The following GAPVD1 variants were observed in gnomAD, a reference collection of about 807,000 sequenced individuals.
GAPVD1 encodes GTPase activating protein and VPS9 domains 1.
Under a neutral mutation model 155.5 loss-of-function variants are expected in GAPVD1, and 35 were observed. That is an observed-to-expected ratio of 0.23 (90% CI 0.17 to 0.30). The LOEUF is 0.30. Ranked by LOEUF, GAPVD1 falls within the 10% of genes least tolerant of loss-of-function variation. The probability of loss-of-function intolerance (pLI) is 1.00; values close to 1 mark genes in which losing one functional copy is unlikely to be tolerated. For missense variants in GAPVD1, 1,429 were observed against 1,775.7 expected, an observed-to-expected ratio of 0.80 and a Z score of 3.51; for synonymous variants, 636 against 619.7, an observed-to-expected ratio of 1.03 and a Z score of -0.39.
intron 22 of GAPVD1, 132 bp downstream of exon 22, chr9:125,350,536 C>A: frequency 1.4e-6 from 1 of 715,572 alleles, no homozygotes; most frequent in South Asian, 1.7e-5. Context: ...ATTAGTATCA[C>A]TTAAGGGCAC....
At chr9:125,329,567 A>G (rs1234943915) in intron 12 of GAPVD1, among the ~76,000 whole-genome samples, 1 of 151,590 alleles carries the variant, frequency 6.6e-6, no homozygotes, top group Non-Finnish European at 1.5e-5. Context: ...TTGTGTTTTT[A>G]GTGGTGTGCT....
rs112249923 is a variant in GAPVD1 at position 125,341,297 on chromosome 9, G to A, written c.2965+33G>A. ...TATAAAATATTAGAACGCTGTATTA[G>A]CAATAAGAAGCAAAGCCCCAGAATC... On this transcript the variant is annotated intron_variant, in intron 18 of 27. Transcript: ENST00000297933. 8 of 1,018,382 alleles carry A rather than the reference G, an allele frequency of 7.9e-6. No individual in the cohort carries two copies. The Admixed American group carries it at 8.1e-5, about 10-fold the overall frequency. 63.1% of individuals were successfully genotyped at this position (1,018,382 alleles called of 1,614,324 possible).
intron 13 of GAPVD1, among the ~76,000 whole-genome samples, chr9:125,330,742 G>T (rs1294372648): frequency 6.6e-6 from 1 of 152,216 alleles, no homozygotes; most frequent in African/African-American, 2.4e-5. Context: ...GTGATGGCAG[G>T]TGCTTTCAGA....
chr9:125,329,301 A>G (rs928923945), intron 12 of GAPVD1, among the ~76,000 whole-genome samples: 3 of 152,222 alleles, frequency 2.0e-5, no homozygotes, highest in Admixed American at 2.0e-4. Context: ...TGCCCTGAAT[A>G]GTGACTAATA....
At chr9:125,285,982 G>A (rs1244796549) in intron 2 of GAPVD1, among the ~76,000 whole-genome samples, 1 of 150,300 alleles carries the variant, frequency 6.7e-6, no homozygotes, top group Admixed American at 6.7e-5. Context: ...TAATTTTCGT[G>A]TTCTCTGTAG....
intron 15 of GAPVD1, among the ~76,000 whole-genome samples, chr9:125,335,630 T>C (rs1464801746): frequency 6.6e-6 from 1 of 151,938 alleles, no homozygotes; most frequent in African/African-American, 2.4e-5. Context: ...TGAGCTGAGA[T>C]CACACCACTG....
At chr9:125,346,002 T>A (rs2132241757) in intron 19 of GAPVD1, 1 of 152,332 alleles carries the variant, frequency 6.6e-6, no homozygotes, top group South Asian at 2.1e-4. Flanking sequence ...ACCCAGGAGT[T>A]TGTGTTTCAC....
chr9:125,333,115 C>G (rs563536334), intron 15 of GAPVD1, among the ~76,000 whole-genome samples: 70 of 152,206 alleles, frequency 4.6e-4, no homozygotes, highest in African/African-American at 1.6e-3. Flanking sequence ...TGCTGTCACC[C>G]AGGCTGGAGT....
intron 12 of GAPVD1, among the ~76,000 whole-genome samples, chr9:125,328,984 G>A (rs1377215039): frequency 1.3e-5 from 2 of 152,006 alleles, no homozygotes; most frequent in South Asian, 2.1e-4. Flanking sequence ...CCAGTCAGGC[G>A]TGGCGGCGCG....
At position 125,360,410 on chromosome 9, in the gene GAPVD1, CAA is replaced by C. The variant is rs533992079; in HGVS notation, c.4045-116_4045-115del. Reference sequence around the variant, plus strand: ...AAAGGGGCCTGCAATATGGTTTTACCAAAGAGAGGAAAAAGCAACCACATTAT... The same window carrying C: ...AAAGGGGCCTGCAATATGGTTTTACCAGAGAGGAAAAAGCAACCACATTAT... On this transcript the variant is annotated intron_variant, in intron 26 of 27. Transcript: ENST00000297933. 8.7e-4 allele frequency: 616 copies of C among 706,488 alleles called. 3 individuals carry two copies. The African/African-American group carries it at 9.9e-3, about 11-fold the overall frequency. 43.8% of individuals were successfully genotyped at this position (706,488 alleles called of 1,614,324 possible).
chr9:125,342,532 G>T (rs961580804), intron 19 of GAPVD1, among the ~76,000 whole-genome samples: 1 of 152,174 alleles, frequency 6.6e-6, no homozygotes, highest in Admixed American at 6.6e-5. Flanking sequence ...CTCCGTTTAT[G>T]ATGAGGCCCC....
At chr9:125,320,156 G>GT (rs1844095117) in intron 9 of GAPVD1, among the ~76,000 whole-genome samples, 2 of 152,082 alleles carry the variant, frequency 1.3e-5, no homozygotes, top group Admixed American at 6.6e-5. Context: ...TTCTTTGTAA[G>GT]TGAGGGTACT....
intron 17 of GAPVD1, 28 bp downstream of exon 17, chr9:125,337,619 T>C: frequency 6.3e-7 from 1 of 1,580,570 alleles, no homozygotes; most frequent in Non-Finnish European, 8.6e-7. Context: ...TGAAAAAGAA[T>C]TATGTTCTGC....
chr9:125,310,204 T>C (rs1472815905), intron 8 of GAPVD1, among the ~76,000 whole-genome samples: 3 of 152,238 alleles, frequency 2.0e-5, no homozygotes, highest in Non-Finnish European at 4.4e-5. Flanking sequence ...AATTTAAATT[T>C]GCAATTCAGT....
intron 9 of GAPVD1, among the ~76,000 whole-genome samples, chr9:125,319,624 T>C (rs1588920076): frequency 6.7e-6 from 1 of 148,380 alleles, no homozygotes; most frequent in East Asian, 2.0e-4. Flanking sequence ...TTTTTTGAGA[T>C]GCAGTCTTGC....
chr9:125,321,239 G>C (rs946493672), intron 9 of GAPVD1, among the ~76,000 whole-genome samples, 194 bp from the exon 10 acceptor site: 2 of 152,160 alleles, frequency 1.3e-5, no homozygotes, highest in Non-Finnish European at 2.9e-5. Context: ...GTAATGGAAA[G>C]GCATGGCTTC....
intron 9 of GAPVD1, among the ~76,000 whole-genome samples, chr9:125,317,784 A>AG (rs1262450318): frequency 6.6e-6 from 1 of 152,114 alleles, no homozygotes; most frequent in Admixed American, 6.5e-5. Context: ...CAAGAGAACA[A>AG]GGTCTCACCA....
At position 125,302,257 on chromosome 9, in the gene GAPVD1, C is replaced by A; in HGVS notation, c.460C>A (p.Arg154=). The A allele has an allele frequency of 6.2e-7, 1 of 1,613,972 alleles. No individual in the cohort carries two copies. The highest frequency in any genetic ancestry group is 8.5e-7 in the Non-Finnish European group (1 of 1,179,934). ...EDESYLLQVL[R]YLIEFELKES... ...TGAAAGCTACCTCCTTCAGGTTTTG[C>A]GATACTTGATTGAATTTGAACTTAA... Residue 154 remains arginine, a synonymous_variant, in exon 5 of 28, where the codon CGA becomes AGA. Transcript: ENST00000297933.
intron 3 of GAPVD1, among the ~76,000 whole-genome samples, chr9:125,297,500 G>T (rs1361357048): frequency 3.3e-5 from 5 of 152,196 alleles, no homozygotes; most frequent in Admixed American, 2.0e-4. Flanking sequence ...GAAGATACTG[G>T]ATAACCTTCC....
Sources: gnomAD v4.1 joint callset for allele counts (sites outside exome capture counted in the v4.1 genomes callset) on GRCh38, gnomAD v4.1.1 for gene constraint, MANE v1.5 for transcripts, NCBI Gene and HGNC (gene_info 2026-07-23, HGNC 2026-07-21) for gene names.